The following PTPRD variants were observed in gnomAD, a reference collection of about 807,000 sequenced individuals.
PTPRD encodes the protein protein tyrosine phosphatase receptor type D.
PTPRD carries 34 observed loss-of-function variants against 214.5 expected under a neutral mutation model. That is an observed-to-expected ratio of 0.16 (90% CI 0.12 to 0.21). The LOEUF is 0.21. Among genes scored for constraint, PTPRD ranks in the 10% least tolerant of loss-of-function variants. The pLI, the probability that PTPRD is intolerant of heterozygous loss-of-function variation, is 1.00. For missense variants in PTPRD, 2,545 were observed against 2,398.7 expected, an observed-to-expected ratio of 1.06 and a Z score of -1.27; for synonymous variants, 1,128 against 845.7, an observed-to-expected ratio of 1.33 and a Z score of -5.79.
chr9:8,409,908 T>C (rs2093372328), intron 35 of PTPRD, among the ~76,000 whole-genome samples: 1 of 152,192 alleles, frequency 6.6e-6, no homozygotes, highest in East Asian at 1.9e-4. Context: ...TACAGGGAAT[T>C]GAACTTTCAA....
intron 7 of PTPRD, among the ~76,000 whole-genome samples, chr9:9,640,982 GT>G (rs1435310754): frequency 1.4e-4 from 21 of 152,346 alleles, no homozygotes; most frequent in African/African-American, 5.1e-4. Context: ...ATAGTTCTAT[GT>G]GCCTAACAGG....
At chr9:10,318,223 A>T (rs1159531965) in intron 3 of PTPRD, among the ~76,000 whole-genome samples, 1 of 152,036 alleles carries the variant, frequency 6.6e-6, no homozygotes, top group Non-Finnish European at 1.5e-5. Flanking sequence ...AGTCAACCCC[A>T]GTGGTACAAT....
chr9:9,805,102 G>T (rs1397522262), intron 5 of PTPRD, among the ~76,000 whole-genome samples: 1 of 152,022 alleles, frequency 6.6e-6, no homozygotes, highest in African/African-American at 2.4e-5. Flanking sequence ...AAATACCATA[G>T]TAGCTTGGAT....
At chr9:10,083,879 T>C (rs749310740) in intron 3 of PTPRD, among the ~76,000 whole-genome samples, 39 of 152,108 alleles carry the variant, frequency 2.6e-4, no homozygotes, top group Non-Finnish European at 4.4e-4. Flanking sequence ...GCAATAATGC[T>C]CACCTCTTGC....
At chr9:9,106,405 G>A (rs1346420308) in intron 10 of PTPRD, among the ~76,000 whole-genome samples, 2 of 151,506 alleles carry the variant, frequency 1.3e-5, no homozygotes, top group African/African-American at 4.8e-5. Context: ...AATCTTTCCA[G>A]CATCCATAAG....
At chr9:8,607,548 C>G (rs1283476029) in intron 14 of PTPRD, among the ~76,000 whole-genome samples, 1 of 152,088 alleles carries the variant, frequency 6.6e-6, no homozygotes, top group Non-Finnish European at 1.5e-5. Flanking sequence ...GAGGCTGAGG[C>G]AGGAGAATTG....
At chr9:9,966,075 T>G (rs1221146824) in intron 4 of PTPRD, among the ~76,000 whole-genome samples, 1 of 152,112 alleles carries the variant, frequency 6.6e-6, no homozygotes, top group Non-Finnish European at 1.5e-5. Context: ...ACTTTGGTAT[T>G]TACACATAGA....
At chr9:9,741,677 T>C in intron 6 of PTPRD, among the ~76,000 whole-genome samples, 1 of 152,156 alleles carries the variant, frequency 6.6e-6, no homozygotes, top group East Asian at 1.9e-4. Context: ...CATTGTTCAG[T>C]TCCCACCTAT....
chr9:8,529,554 G>A (rs975904852), intron 14 of PTPRD, among the ~76,000 whole-genome samples: 1 of 152,050 alleles, frequency 6.6e-6, no homozygotes, highest in Non-Finnish European at 1.5e-5. Flanking sequence ...CCTAAATTTT[G>A]AATCTCCAAC....
At chr9:8,921,472 G>A (rs2098827441) in intron 11 of PTPRD, among the ~76,000 whole-genome samples, 1 of 151,662 alleles carries the variant, frequency 6.6e-6, no homozygotes, top group Non-Finnish European at 1.5e-5. Context: ...TTATGAATAT[G>A]TATTTTTTCA....
chr9:9,084,339 G>A (rs972649741), intron 10 of PTPRD, among the ~76,000 whole-genome samples: 2 of 152,100 alleles, frequency 1.3e-5, no homozygotes, highest in Non-Finnish European at 2.9e-5. Flanking sequence ...ACTCATAAGT[G>A]GGAGTTGAAC....
intron 8 of PTPRD, among the ~76,000 whole-genome samples, chr9:9,484,125 T>C (rs1156322258): frequency 6.6e-6 from 1 of 151,928 alleles, no homozygotes; most frequent in African/African-American, 2.4e-5. Context: ...AATAAGAGAT[T>C]GATTTAAACT....
chr9:10,360,589 T>C (rs1156665440), intron 2 of PTPRD, among the ~76,000 whole-genome samples: 2 of 152,218 alleles, frequency 1.3e-5, no homozygotes, highest in Non-Finnish European at 2.9e-5. Flanking sequence ...GCTTTTCTCT[T>C]GTCCCAAGCA....
chr9:9,421,640 G>C (rs547881809), intron 8 of PTPRD, among the ~76,000 whole-genome samples: 1 of 152,084 alleles, frequency 6.6e-6, no homozygotes, highest in Non-Finnish European at 1.5e-5. Context: ...TTTAATAGAG[G>C]TTTGTCACAT....
intron 12 of PTPRD, among the ~76,000 whole-genome samples, chr9:8,666,771 T>C (rs563882794): frequency 6.6e-6 from 1 of 152,294 alleles, no homozygotes; most frequent in South Asian, 2.1e-4. Context: ...TCTGCAGACA[T>C]CTAGCAGAAC....
At chr9:8,488,062 G>A (rs993305232) in intron 27 of PTPRD, among the ~76,000 whole-genome samples, 2 of 152,044 alleles carry the variant, frequency 1.3e-5, no homozygotes, top group Non-Finnish European at 2.9e-5. Flanking sequence ...AAGATGGTAG[G>A]AAAGGAGGAA....
chr9:10,487,686 A>G (rs899076877), intron 2 of PTPRD, among the ~76,000 whole-genome samples: 1 of 151,874 alleles, frequency 6.6e-6, no homozygotes, highest in Admixed American at 6.6e-5. Flanking sequence ...GGAATGACAC[A>G]TAACAGGGCC....
chr9:10,436,329 A>C (rs2098717340), intron 2 of PTPRD, among the ~76,000 whole-genome samples: 1 of 151,780 alleles, frequency 6.6e-6, no homozygotes, highest in African/African-American at 2.4e-5. Flanking sequence ...ATTAGAAATA[A>C]AGAGAAATGA....
chr9:9,384,846 G>T (rs1216991853), intron 9 of PTPRD, among the ~76,000 whole-genome samples: 1 of 151,884 alleles, frequency 6.6e-6, no homozygotes. Flanking sequence ...ACACCCTTAT[G>T]GAATGAGACA....
Sources: gnomAD v4.1 joint callset for allele counts (sites outside exome capture counted in the v4.1 genomes callset) on GRCh38, gnomAD v4.1.1 for gene constraint, MANE v1.5 for transcripts, NCBI Gene and HGNC (gene_info 2026-07-23, HGNC 2026-07-21) for gene names.